The following GPHN variants were observed in gnomAD, a reference collection of about 807,000 sequenced individuals.
The protein encoded by GPHN is gephyrin.
In GPHN, 17 loss-of-function variants were observed where a neutral mutation model predicts 95.5. That is an observed-to-expected ratio of 0.18 (90% CI 0.12 to 0.27). The LOEUF (loss-of-function observed/expected upper bound fraction) is 0.27. Among genes scored for constraint, GPHN ranks in the 10% least tolerant of loss-of-function variants. The pLI is 1.00. For synonymous variants in GPHN, 320 were observed against 322.5 expected (o/e 0.99, Z 0.08); for missense variants, 660 against 978.1 (o/e 0.67, Z 4.34).
intron 8 of GPHN, among the ~76,000 whole-genome samples, chr14:66,957,183 CTTTCTT>C (rs2068576475): frequency 1.8e-5 from 2 of 108,682 alleles, no homozygotes; most frequent in Admixed American, 9.3e-5. Context: ...AAATTTCTTT[CTTTCTT>C]TTTTTTTTTT....
At chr14:66,689,905 G>A (rs776017483) in intron 2 of GPHN, among the ~76,000 whole-genome samples, 36 of 151,518 alleles carry the variant, frequency 2.4e-4, no homozygotes, top group Non-Finnish European at 4.3e-4. Context: ...ATTTATTTGA[G>A]TCTTTTTTTA....
At chr14:67,285,610 C>G in the GPHN span, among the ~76,000 whole-genome samples, 2 of 152,096 alleles carry the variant, frequency 1.3e-5, no homozygotes, top group African/African-American at 4.8e-5. Context: ...TCTCCTGATC[C>G]AGCCGCCTCG....
intron 18 of GPHN, 26 bp from the exon 19 acceptor site, chr14:67,159,389 A>G (rs759903389): frequency 7.5e-7 from 1 of 1,329,230 alleles, no homozygotes; most frequent in Admixed American, 1.7e-5. Context: ...GTTTGAAAGT[A>G]AAGTGATTAT....
chr14:67,439,772 A>C, the GPHN span, among the ~76,000 whole-genome samples: 1 of 151,932 alleles, frequency 6.6e-6, no homozygotes, highest in Non-Finnish European at 1.5e-5. Flanking sequence ...TGAGATTTTG[A>C]GGTTTTGTTC....
At chr14:66,533,628 A>C (rs2059025212) in intron 1 of GPHN, among the ~76,000 whole-genome samples, 1 of 152,174 alleles carries the variant, frequency 6.6e-6, no homozygotes, top group Non-Finnish European at 1.5e-5. Flanking sequence ...AAAGAAAGGG[A>C]AGGTAATCTG....
At chr14:67,256,925 C>T in the GPHN span, among the ~76,000 whole-genome samples, 1 of 152,220 alleles carries the variant, frequency 6.6e-6, no homozygotes, top group South Asian at 2.1e-4. Context: ...AAATATCTGA[C>T]AGGTCTCATT....
chr14:67,607,930 C>A, the GPHN span, among the ~76,000 whole-genome samples: 2 of 152,122 alleles, frequency 1.3e-5, no homozygotes, highest in Non-Finnish European at 2.9e-5. Context: ...TGAATTCAAC[C>A]AACCAAGGGT....
At chr14:66,743,246 T>C (rs1420866997) in intron 2 of GPHN, among the ~76,000 whole-genome samples, 6 of 152,064 alleles carry the variant, frequency 3.9e-5, no homozygotes, top group Non-Finnish European at 4.4e-5. Context: ...CCCCCCCACT[T>C]TAAAGTCCCA....
chr14:67,135,150 G>A (rs537923084), intron 17 of GPHN, among the ~76,000 whole-genome samples: 1 of 151,670 alleles, frequency 6.6e-6, no homozygotes, highest in African/African-American at 2.4e-5. Context: ...AGTAGAGACA[G>A]GGTTTCACCA....
At chr14:67,267,398 A>G in the GPHN span, among the ~76,000 whole-genome samples, 12 of 151,942 alleles carry the variant, frequency 7.9e-5, no homozygotes, top group African/African-American at 2.9e-4. Flanking sequence ...AGCTGGGATT[A>G]CAGGCATGCA....
the GPHN span, chr14:67,620,824 T>C: frequency 6.5e-7 from 1 of 1,530,544 alleles, no homozygotes; most frequent in South Asian, 1.1e-5. Flanking sequence ...TGCTGGGAAC[T>C]AAATGTACCA....
intron 17 of GPHN, among the ~76,000 whole-genome samples, chr14:67,138,887 CTTTTTTTTTT>C (rs34446302): frequency 4.2e-5 from 4 of 94,680 alleles, no homozygotes; most frequent in African/African-American, 6.0e-5. Flanking sequence ...GCATCCTCTC[CTTTTTTTTTT>C]TTTTTTTTTT....
At chr14:67,605,687 TATTA>T in the GPHN span, among the ~76,000 whole-genome samples, 1 of 152,120 alleles carries the variant, frequency 6.6e-6, no homozygotes, top group African/African-American at 2.4e-5. Flanking sequence ...GCTTCTCTCA[TATTA>T]ATTTTTTTTT....
the GPHN span, among the ~76,000 whole-genome samples, chr14:67,547,566 C>T: frequency 7.4e-4 from 112 of 152,298 alleles, 1 homozygote; most frequent in African/African-American, 2.5e-3. Flanking sequence ...CATCTGCTCC[C>T]CTACCTCTCT....
the GPHN span, among the ~76,000 whole-genome samples, chr14:67,482,156 G>A: frequency 1.3e-5 from 2 of 152,322 alleles, no homozygotes; most frequent in Admixed American, 1.3e-4. Context: ...CAAGGGAACA[G>A]GTGATGGGGA....
At chr14:66,572,796 G>C (rs75935578) in intron 1 of GPHN, among the ~76,000 whole-genome samples, 46 of 152,134 alleles carry the variant, frequency 3.0e-4, no homozygotes, top group African/African-American at 1.1e-3. Flanking sequence ...TAACTACGTT[G>C]AATAGAAGTC....
At chr14:66,743,488 T>C (rs1361416125) in intron 2 of GPHN, among the ~76,000 whole-genome samples, 2 of 152,034 alleles carry the variant, frequency 1.3e-5, no homozygotes, top group African/African-American at 4.8e-5. Context: ...ATAAAATCTC[T>C]TACTTTGGGA....
chr14:66,807,492 A>G (rs1030382019), intron 3 of GPHN, among the ~76,000 whole-genome samples: 2 of 152,240 alleles, frequency 1.3e-5, no homozygotes, highest in Admixed American at 6.5e-5. Context: ...TAATAGTAGA[A>G]TAAATACAAA....
intron 1 of GPHN, among the ~76,000 whole-genome samples, chr14:66,527,824 C>A (rs925224388): frequency 3.3e-5 from 5 of 152,140 alleles, no homozygotes; most frequent in African/African-American, 1.2e-4. Flanking sequence ...GCACTGTGGT[C>A]TGAAGACTGT....
Sources: allele counts gnomAD v4.1 joint callset (sites outside exome capture counted in the v4.1 genomes callset), GRCh38; gene constraint gnomAD v4.1.1; transcripts MANE v1.5; gene names NCBI Gene and HGNC (gene_info 2026-07-23, HGNC 2026-07-21).